The following NEDD4L variants were observed in gnomAD, a reference collection of about 807,000 sequenced individuals.
NEDD4L encodes the protein E3 ubiquitin-protein ligase NEDD4-like.
NEDD4L carries 54 observed loss-of-function variants against 148.9 expected under a neutral mutation model. The observed-to-expected ratio is 0.36, with a 90% CI of 0.29 to 0.45. The LOEUF (loss-of-function observed/expected upper bound fraction) is 0.45. NEDD4L is among the 20% of genes least tolerant of loss of function. NEDD4L has a pLI of 1.00. For synonymous variants in NEDD4L, 433 were observed against 440.7 expected, an observed-to-expected ratio of 0.98 and a Z score of 0.22; for missense variants, 856 against 1,233.8, an observed-to-expected ratio of 0.69 and a Z score of 4.59.
chr18:58,378,645 G>T (rs1006608652), intron 24 of NEDD4L, among the ~76,000 whole-genome samples: 1 of 152,198 alleles, frequency 6.6e-6, no homozygotes, highest in African/African-American at 2.4e-5. Context: ...GGTTGGTGGA[G>T]TGATGGGGGT....
intron 2 of NEDD4L, among the ~76,000 whole-genome samples, chr18:58,228,549 T>G (rs2044652653): frequency 6.6e-6 from 1 of 152,240 alleles, no homozygotes; most frequent in Admixed American, 6.5e-5. Flanking sequence ...CATAGGCTAT[T>G]TGATTAATAA....
At position 58,256,497 on chromosome 18, in the gene NEDD4L, A is replaced by C. The variant is rs2048587159; in HGVS notation, c.297+4443A>C. ...ATTCGGCTGGAGAGGAGCACCTCGT[A>C]CCCCACGCAGCCCCGAAGCGAGCGA... is the stretch of plus-strand genomic sequence containing the variant. On this transcript the variant is annotated intron_variant, in intron 5 of 30. Coordinates refer to ENST00000400345, the MANE Select transcript of NEDD4L (RefSeq NM_001144967.3). The surrounding 1 kb of genome is among the most constrained non-coding windows in gnomAD (Gnocchi z 5.2). The C allele has an allele frequency of 6.5e-6, 8 of 1,232,216 alleles. No individual in the cohort carries two copies. The South Asian group carries it at 2.9e-4, about 44-fold the overall frequency. 76.3% of individuals were successfully genotyped at this position (1,232,216 alleles called of 1,614,324 possible).
intron 2 of NEDD4L, among the ~76,000 whole-genome samples, chr18:58,173,118 T>C (rs1466352191): frequency 6.6e-6 from 1 of 152,218 alleles, no homozygotes; most frequent in Non-Finnish European, 1.5e-5. Flanking sequence ...TCTTCTTTTT[T>C]CAGTAAGCTG....
chr18:58,162,354 C>T (rs1424891844), intron 1 of NEDD4L, among the ~76,000 whole-genome samples: 1 of 152,078 alleles, frequency 6.6e-6, no homozygotes, highest in Non-Finnish European at 1.5e-5. Context: ...CCAGCTTCCC[C>T]CCATCAAACG....
chr18:58,215,338 G>A (rs933955237), intron 2 of NEDD4L, among the ~76,000 whole-genome samples: 1 of 152,228 alleles, frequency 6.6e-6, no homozygotes, highest in South Asian at 2.1e-4. Context: ...CGACATTATG[G>A]AAGGTAAAAA....
intron 1 of NEDD4L, among the ~76,000 whole-genome samples, chr18:58,087,665 G>A (rs1484519218): frequency 6.6e-6 from 1 of 152,014 alleles, no homozygotes; most frequent in African/African-American, 2.4e-5. Flanking sequence ...ACCTGAGGTT[G>A]GGAGTTTGAG....
intron 15 of NEDD4L, 44 bp from the exon 16 acceptor site, chr18:58,342,862 A>T: frequency 6.9e-7 from 1 of 1,449,396 alleles, no homozygotes; most frequent in East Asian, 2.7e-5. Context: ...GCACATTGGA[A>T]TCGCACATGC....
intron 2 of NEDD4L, among the ~76,000 whole-genome samples, chr18:58,198,072 G>C (rs189774395): frequency 6.6e-5 from 10 of 152,256 alleles, no homozygotes; most frequent in African/African-American, 2.4e-4. Context: ...GAGCTGTCTG[G>C]ATGGCCTAGT....
intron 19 of NEDD4L, among the ~76,000 whole-genome samples, chr18:58,361,171 C>T (rs2045421925): frequency 6.6e-6 from 1 of 152,148 alleles, no homozygotes; most frequent in African/African-American, 2.4e-5. Context: ...AGGTCCAGTG[C>T]CCACTGATTT....
Position 58,366,337 on chromosome 18 carries a change from TGA to T in NEDD4L, c.2063+111_2063+112del. On this transcript the variant is annotated intron_variant, in intron 21 of 30. Transcript: ENST00000400345. The surrounding 1 kb of genome is among the most constrained non-coding windows in gnomAD (Gnocchi z 4.2). ...TGAGTTCGAGATGCATTAACTCTGCTGAGTTTGTTCTCTCCTCACCCCACAGC... is the reference window on the plus strand; with the variant it reads ...TGAGTTCGAGATGCATTAACTCTGCTGTTTGTTCTCTCCTCACCCCACAGC... 2 of 768,842 alleles carry T rather than the reference TGA, an allele frequency of 2.6e-6. No individual in the cohort carries two copies. Among genetic ancestry groups the T allele is most frequent in the Non-Finnish European group, 4.1e-6 (2 of 493,468 alleles). 47.6% of individuals were successfully genotyped at this position (768,842 alleles called of 1,614,324 possible). A position where few individuals can be genotyped will look rare whatever the true frequency, so the allele number is the denominator to read the frequency against.
chr18:58,210,710 A>G (rs371778143), intron 2 of NEDD4L, among the ~76,000 whole-genome samples: 4 of 152,224 alleles, frequency 2.6e-5, no homozygotes, highest in South Asian at 2.1e-4. Flanking sequence ...CTTCCAGGAC[A>G]TACTAAAACA....
At chr18:58,339,205 C>T (rs1459871387) in intron 13 of NEDD4L, among the ~76,000 whole-genome samples, 1 of 151,940 alleles carries the variant, frequency 6.6e-6, no homozygotes, top group Non-Finnish European at 1.5e-5. Flanking sequence ...GGGCTCTGGG[C>T]GGAGGGAGCT....
At chr18:58,212,734 G>A (rs1256815189) in intron 2 of NEDD4L, among the ~76,000 whole-genome samples, 1 of 151,990 alleles carries the variant, frequency 6.6e-6, no homozygotes, top group Non-Finnish European at 1.5e-5. Context: ...GCCTCCCAAA[G>A]TGCTGGGATT....
chr18:58,221,333 C>A (rs2043743815), intron 2 of NEDD4L, among the ~76,000 whole-genome samples: 1 of 152,200 alleles, frequency 6.6e-6, no homozygotes, highest in African/African-American at 2.4e-5. Flanking sequence ...ATTGCCCATC[C>A]TGTGTGGAAG....
chr18:58,365,282 C>T (rs1211890361), intron 20 of NEDD4L, among the ~76,000 whole-genome samples: 1 of 152,126 alleles, frequency 6.6e-6, no homozygotes, highest in South Asian at 2.1e-4. Flanking sequence ...GAGTCATGTC[C>T]CCTGGTAATG....
At chr18:58,183,694 A>G (rs2039107674) in intron 2 of NEDD4L, among the ~76,000 whole-genome samples, 1 of 152,242 alleles carries the variant, frequency 6.6e-6, no homozygotes, top group South Asian at 2.1e-4. Flanking sequence ...GTGTCATTTC[A>G]GATCGCTTCA....
chr18:58,284,572 A>AGCT (rs2053625412), intron 5 of NEDD4L, among the ~76,000 whole-genome samples: 1 of 112,900 alleles, frequency 8.9e-6, no homozygotes, highest in Admixed American at 8.6e-5. Flanking sequence ...ATACGAATAG[A>AGCT]AGTAACTTCT....
At chr18:58,285,326 G>GTGT (rs1181443379) in intron 5 of NEDD4L, among the ~76,000 whole-genome samples, 1 of 150,556 alleles carries the variant, frequency 6.6e-6, no homozygotes, top group African/African-American at 2.4e-5. Flanking sequence ...TGTGTGTGTG[G>GTGT]GTGTGTGTGT....
At chr18:58,179,835 A>G (rs1019353703) in intron 2 of NEDD4L, among the ~76,000 whole-genome samples, 1 of 152,044 alleles carries the variant, frequency 6.6e-6, no homozygotes, top group African/African-American at 2.4e-5. Flanking sequence ...TTCATCATCT[A>G]TTACAATGTA....
Sources: gnomAD v4.1 joint callset for allele counts (sites outside exome capture counted in the v4.1 genomes callset) on GRCh38, gnomAD v4.1.1 for gene constraint, Gnocchi (gnomAD v3.1) non-coding constraint, MANE v1.5 for transcripts, NCBI Gene and HGNC (gene_info 2026-07-23, HGNC 2026-07-21) for gene names.